AGBL4: variants seen among roughly 807,000 people sequenced by gnomAD.
AGBL4 encodes the protein cytosolic carboxypeptidase 6.
AGBL4 carries 58 observed loss-of-function variants against 66.4 expected under a neutral mutation model. That is an observed-to-expected ratio of 0.87 (90% CI 0.71 to 1.09). AGBL4 has a LOEUF of 1.09. Among genes scored for constraint, AGBL4 ranks in the 50% least tolerant of loss-of-function variants. The pLI, the probability that AGBL4 is intolerant of heterozygous loss-of-function variation, is 0.00. For missense variants in AGBL4, 579 were observed against 631.0 expected, an observed-to-expected ratio of 0.92 and a Z score of 0.88; for synonymous variants, 234 against 222.9, an observed-to-expected ratio of 1.05 and a Z score of -0.44.
rs114097062 is a variant in AGBL4 at position 49,755,063 on chromosome 1, C to T, written c.158-57626G>A. ...TTAATGTGAATTTTACCTAAAAATA[C>T]CATCACAGTAGCATCTAGACTAAGG... On this transcript the variant is annotated intron_variant, in intron 2 of 13. Coordinates refer to ENST00000371839, the MANE Select transcript of AGBL4 (RefSeq NM_032785.4). 6.6e-3 allele frequency among the ~76,000 whole-genome samples: 1,008 copies of T among 152,248 alleles called. 6 individuals carry two copies. The highest frequency in any genetic ancestry group is 0.014 in the Middle Eastern group (4 of 294).
chr1:48,727,785 C>T, intron 6 of AGBL4: 1 of 1,161,872 alleles, frequency 8.6e-7, no homozygotes, highest in Non-Finnish European at 1.2e-6. Context: ...TCCCTGCACA[C>T]ACACCACCAT....
At chr1:48,926,966 C>T (rs1173374272) in intron 5 of AGBL4, among the ~76,000 whole-genome samples, 2 of 152,150 alleles carry the variant, frequency 1.3e-5, no homozygotes, top group African/African-American at 4.8e-5. Flanking sequence ...GGAGTAATGG[C>T]TGAGAGAACT....
chr1:49,395,148 T>C (rs2148599253), intron 3 of AGBL4, among the ~76,000 whole-genome samples: 1 of 152,326 alleles, frequency 6.6e-6, no homozygotes, highest in African/African-American at 2.4e-5. Context: ...TGTGTTTTCT[T>C]ATGTTTGTGC....
At chr1:49,607,993 T>A (rs2124210847) in intron 3 of AGBL4, among the ~76,000 whole-genome samples, 1 of 152,252 alleles carries the variant, frequency 6.6e-6, no homozygotes, top group Admixed American at 6.5e-5. Flanking sequence ...TTGGGGTAGA[T>A]TTATTCACTT....
intron 5 of AGBL4, among the ~76,000 whole-genome samples, chr1:48,995,923 G>C (rs1660960872): frequency 6.6e-6 from 1 of 152,158 alleles, no homozygotes; most frequent in African/African-American, 2.4e-5. Flanking sequence ...ATGGATTCTA[G>C]GGGCAAGAAG....
chr1:49,559,946 C>T (rs1295860546), intron 3 of AGBL4, among the ~76,000 whole-genome samples: 3 of 152,046 alleles, frequency 2.0e-5, no homozygotes, highest in Non-Finnish European at 2.9e-5. Context: ...TCTGGAGATC[C>T]CTAATACACA....
At chr1:49,495,503 G>A (rs1404114733) in intron 3 of AGBL4, among the ~76,000 whole-genome samples, 1 of 151,468 alleles carries the variant, frequency 6.6e-6, no homozygotes, top group African/African-American at 2.4e-5. Flanking sequence ...CACAGACCAT[G>A]TTCGTCTCTG....
chr1:49,739,414 C>T (rs946839459), intron 2 of AGBL4, among the ~76,000 whole-genome samples: 14 of 152,008 alleles, frequency 9.2e-5, no homozygotes, highest in African/African-American at 3.4e-4. Context: ...GTGAAAAGAC[C>T]AAATCTACGT....
intron 1 of AGBL4, among the ~76,000 whole-genome samples, chr1:49,874,932 G>C (rs1439852428): frequency 7.0e-6 from 1 of 142,982 alleles, no homozygotes; most frequent in African/African-American, 2.5e-5. Flanking sequence ...CCACTAACTT[G>C]TCATCTAGCA....
intron 2 of AGBL4, among the ~76,000 whole-genome samples, chr1:49,716,359 G>A (rs1648136586): frequency 6.6e-6 from 1 of 152,094 alleles, no homozygotes; most frequent in Non-Finnish European, 1.5e-5. Flanking sequence ...CTGTAGCCTT[G>A]TAGTATAGTT....
chr1:48,847,380 C>G (rs1019299948), intron 6 of AGBL4, among the ~76,000 whole-genome samples: 4 of 137,034 alleles, frequency 2.9e-5, no homozygotes, highest in African/African-American at 1.1e-4. Context: ...AAAGAAGGCA[C>G]TTTCATAAAG....
At chr1:49,681,006 A>G (rs1218954781) in intron 3 of AGBL4, among the ~76,000 whole-genome samples, 1 of 151,988 alleles carries the variant, frequency 6.6e-6, no homozygotes, top group Admixed American at 6.6e-5. Flanking sequence ...TCTATTGAGC[A>G]CATTCACTGA....
intron 3 of AGBL4, among the ~76,000 whole-genome samples, chr1:49,318,149 T>C (rs983504766): frequency 1.2e-4 from 18 of 151,994 alleles, no homozygotes; most frequent in African/African-American, 4.1e-4. Flanking sequence ...ACTTTTTATT[T>C]AATAGTATTT....
chr1:48,978,494 A>G (rs1246229239), intron 5 of AGBL4, among the ~76,000 whole-genome samples: 1 of 152,154 alleles, frequency 6.6e-6, no homozygotes, highest in Non-Finnish European at 1.5e-5. Context: ...TCTCAGAGGT[A>G]CCAGCCACAG....
At chr1:49,697,205 A>G (rs1647002521) in intron 3 of AGBL4, 108 bp downstream of exon 3, 1 of 1,272,064 alleles carries the variant, frequency 7.9e-7, no homozygotes, top group South Asian at 2.0e-5. Flanking sequence ...GCTGTGGATA[A>G]ACAAGAATAT....
At chr1:48,769,408 A>AC (rs2148685990) in intron 6 of AGBL4, among the ~76,000 whole-genome samples, 2 of 152,180 alleles carry the variant, frequency 1.3e-5, no homozygotes, top group East Asian at 3.9e-4. Flanking sequence ...CATGTGCCTC[A>AC]CCAGGGCTGC....
intron 2 of AGBL4, among the ~76,000 whole-genome samples, chr1:49,838,120 T>C (rs1268725066): frequency 2.6e-5 from 4 of 152,006 alleles, no homozygotes; most frequent in Non-Finnish European, 5.9e-5. Context: ...AAAGGCCAAA[T>C]GGGGAGAGTG....
chr1:49,762,994 G>A (rs1381880612), intron 2 of AGBL4, among the ~76,000 whole-genome samples: 1 of 152,128 alleles, frequency 6.6e-6, no homozygotes, highest in East Asian at 1.9e-4. Context: ...TTTTCTTCTA[G>A]TACTTTCATA....
At chr1:49,843,362 C>T (rs1228903574) in intron 2 of AGBL4, among the ~76,000 whole-genome samples, 1 of 152,002 alleles carries the variant, frequency 6.6e-6, no homozygotes, top group African/African-American at 2.4e-5. Flanking sequence ...ATGTCTTGAA[C>T]TCCCAGGCTC....
Sources: gnomAD v4.1 joint callset for allele counts (sites outside exome capture counted in the v4.1 genomes callset) on GRCh38, gnomAD v4.1.1 for gene constraint, MANE v1.5 for transcripts, NCBI Gene and HGNC (gene_info 2026-07-23, HGNC 2026-07-21) for gene names.